GALNT8: variants seen among roughly 807,000 people sequenced by gnomAD.
GALNT8 encodes the protein polypeptide N-acetylgalactosaminyltransferase 8.
GALNT8 carries 66 observed loss-of-function variants against 62.7 expected under a neutral mutation model. The observed-to-expected ratio is 1.05, with a 90% CI of 0.86 to 1.29. The LOEUF is 1.29. Ranked by LOEUF, GALNT8 falls within the 50% of genes most tolerant of loss-of-function variation. GALNT8 has a pLI of 0.00. For synonymous variants in GALNT8, 288 were observed against 294.3 expected (o/e 0.98, Z 0.22); for missense variants, 771 against 791.8 (o/e 0.97, Z 0.32).
rs571121692 is a variant in GALNT8, at chr12:4,726,011, A to G, written c.212-521A>G. 6.6e-6 allele frequency among the ~76,000 whole-genome samples: 1 copy of G among 152,284 alleles called. No individual in the cohort carries two copies. The highest frequency in any genetic ancestry group is 6.5e-5 in the Admixed American group (1 of 15,300). ...GTTAGATTTGCCTTTGTTAGGCACT[A>G]ATGGTGTAGTAAGTGTTTCTTAAGT... On this transcript the variant is annotated intron_variant, in intron 1 of 10. Transcript: ENST00000252318. The surrounding 1 kb of genome is among the most constrained non-coding windows in gnomAD (Gnocchi z 4.1).
intron 2 of GALNT8, among the ~76,000 whole-genome samples, chr12:4,728,756 G>T (rs1399997485): frequency 6.6e-6 from 1 of 152,130 alleles, no homozygotes; most frequent in South Asian, 2.1e-4. Context: ...CTTAACAATT[G>T]TAATTTTGTA....
chr12:4,753,581 A>G (rs558879600), intron 6 of GALNT8, among the ~76,000 whole-genome samples: 1 of 152,166 alleles, frequency 6.6e-6, no homozygotes, highest in South Asian at 2.1e-4. Flanking sequence ...TTCCTTCTCT[A>G]ATTATCTTGA....
chr12:4,753,715 G>A (rs941915234), intron 6 of GALNT8, among the ~76,000 whole-genome samples: 5 of 152,144 alleles, frequency 3.3e-5, no homozygotes, highest in Non-Finnish European at 7.3e-5. Flanking sequence ...GAATTATCTT[G>A]ATACTTGTAA....
chr12:4,759,422 T>G (rs538878780), intron 6 of GALNT8, among the ~76,000 whole-genome samples: 17 of 150,896 alleles, frequency 1.1e-4, no homozygotes, highest in African/African-American at 4.1e-4. Flanking sequence ...ATGAATAAGT[T>G]GAGGGTCAAC....
rs116073324 is a variant in GALNT8 at position 4,756,072 on chromosome 12, T to A, written c.1174-4886T>A. Among the ~76,000 whole-genome samples the A allele has an allele frequency of 6.4e-3, 979 of 152,254 alleles. 12 individuals carry two copies. Among genetic ancestry groups the A allele is most frequent in the African/African-American group, 0.023 (935 of 41,546 alleles). ...GTAAGTCACATGGCCAACCCTGAAATGGTGTGAAGAATTAGGGCCAATAAA... is the reference window on the plus strand; with the variant it reads ...GTAAGTCACATGGCCAACCCTGAAAAGGTGTGAAGAATTAGGGCCAATAAA... On this transcript the variant is annotated intron_variant, in intron 6 of 10. Transcript: ENST00000252318.
rs1325581430 is a variant in GALNT8, at chr12:4,726,742, A to G, written c.422A>G (p.Gln141Arg). Residue 141 changes from glutamine (Q) to arginine (R), a missense_variant, in exon 2 of 11, where the codon CAG becomes CGG. Transcript: ENST00000252318. This position sits in a 1 kb window ranked among gnomAD's most constrained non-coding sequence, Gnocchi z 4.1. ...TCTGAGGCCCAGCAGAAGGCGGCCCAGGACCTCTTCCGGAAGTTTGGTTAC... is the reference window on the plus strand; with the variant it reads ...TCTGAGGCCCAGCAGAAGGCGGCCCGGGACCTCTTCCGGAAGTTTGGTTAC... ...DLSEAQQKAA[Q>R]DLFRKFGYNA... 2.5e-6 allele frequency: 4 copies of G among 1,614,088 alleles called. No homozygotes were observed. Among genetic ancestry groups the G allele is most frequent in the South Asian group, 1.1e-5 (1 of 91,068 alleles).
At chr12:4,721,106 A>G (rs1319608187) in intron 1 of GALNT8, among the ~76,000 whole-genome samples, 1 of 151,810 alleles carries the variant, frequency 6.6e-6, no homozygotes, top group African/African-American at 2.4e-5. Context: ...AGTATGGGGG[A>G]GGTGAGCATG....
chr12:4,761,223 A>G, intron 7 of GALNT8, 80 bp downstream of exon 7: 1 of 1,221,104 alleles, frequency 8.2e-7, no homozygotes, highest in South Asian at 1.4e-5. Flanking sequence ...GGGATAAAGC[A>G]AAAGTGCCAT....
At chr12:4,741,581 A>AG (rs1279901672) in intron 3 of GALNT8, among the ~76,000 whole-genome samples, 5 of 151,068 alleles carry the variant, frequency 3.3e-5, no homozygotes, top group Non-Finnish European at 7.4e-5. Flanking sequence ...TTTCTGTGGA[A>AG]AAAAAAAAAG....
chr12:4,728,829 G>A (rs376830925), intron 2 of GALNT8, among the ~76,000 whole-genome samples: 2 of 152,026 alleles, frequency 1.3e-5, no homozygotes, highest in African/African-American at 2.4e-5. Context: ...AGACTGTTTT[G>A]TCTATTCTGG....
chr12:4,745,567 C>G lies in GALNT8; in HGVS notation c.999C>G (p.Cys333Trp). 6.2e-7 allele frequency: 1 copy of G among 1,613,876 alleles called. No homozygotes were observed. The highest frequency in any genetic ancestry group is 1.1e-5 in the South Asian group (1 of 91,068). ...ATGGGTTTAACTGGGAACTCTGGTG[C>G]CGCTACGATGCACTGCCACAAGCCT... ...AVDGFNWELWCRYDALPQAWI... is the reference protein window; with the variant it reads ...AVDGFNWELWWRYDALPQAWI... The change falls in exon 5 of 11, where the codon TGC becomes TGG. Residue 333 changes from cysteine (C) to tryptophan (W), a missense_variant. Transcript: ENST00000252318.
chr12:4,756,376 A>G (rs1291862009), intron 6 of GALNT8, among the ~76,000 whole-genome samples: 1 of 152,250 alleles, frequency 6.6e-6, no homozygotes, highest in Admixed American at 6.5e-5. Flanking sequence ...TGTGCAACAT[A>G]CAAGCCCTCT....
At position 4,722,082 on chromosome 12, in the gene GALNT8, A is replaced by G. The variant is rs1946173343; in HGVS notation, c.211+1194A>G. On this transcript the variant is annotated intron_variant, in intron 1 of 10. Transcript: ENST00000252318. The stretch of plus-strand genomic sequence containing the variant: ...CACGGGGTTGGGGGTACGGTTACAG[A>G]TTAACAGCATCTCAAGGCAGAAGAA... 2.0e-5 allele frequency among the ~76,000 whole-genome samples: 3 copies of G among 152,192 alleles called. No homozygotes were observed. The South Asian group carries it at 6.2e-4, about 32-fold the overall frequency.
chr12:4,748,535 G>A (rs1479951856), intron 6 of GALNT8, among the ~76,000 whole-genome samples: 1 of 152,072 alleles, frequency 6.6e-6, no homozygotes, highest in Non-Finnish European at 1.5e-5. Flanking sequence ...CACTCTAGGT[G>A]TGTGGGTTTG....
At chr12:4,751,561 A>G (rs1221877848) in intron 6 of GALNT8, among the ~76,000 whole-genome samples, 2 of 152,088 alleles carry the variant, frequency 1.3e-5, no homozygotes, top group Non-Finnish European at 2.9e-5. Flanking sequence ...GTGTCTGTAT[A>G]GTTTCCCAAA....
intron 3 of GALNT8, among the ~76,000 whole-genome samples, chr12:4,743,105 G>C (rs906728383): frequency 5.9e-5 from 9 of 152,186 alleles, no homozygotes; most frequent in Non-Finnish European, 1.2e-4. Context: ...TCTGCCTCAG[G>C]CTCCCAAAGT....
chr12:4,753,442 A>G (rs983853235), intron 6 of GALNT8, among the ~76,000 whole-genome samples: 3 of 152,170 alleles, frequency 2.0e-5, no homozygotes, highest in African/African-American at 7.2e-5. Context: ...CTGTTTGACC[A>G]ATTCTGCTAT....
intron 7 of GALNT8, among the ~76,000 whole-genome samples, chr12:4,762,146 A>G (rs1946376178): frequency 6.6e-6 from 1 of 152,198 alleles, no homozygotes; most frequent in South Asian, 2.1e-4. Flanking sequence ...AGAGATGGGT[A>G]AGAGTTGATT....
chr12:4,765,304 C>A, intron 9 of GALNT8, 75 bp from the exon 10 acceptor site: 1 of 1,358,308 alleles, frequency 7.4e-7, no homozygotes, highest in Non-Finnish European at 9.8e-7. Flanking sequence ...TGCTGTCCCT[C>A]GGGCTAGGGT....
Sources: allele counts gnomAD v4.1 joint callset (sites outside exome capture counted in the v4.1 genomes callset), GRCh38; gene constraint gnomAD v4.1.1; non-coding constraint Gnocchi (gnomAD v3.1); transcripts MANE v1.5; gene names NCBI Gene and HGNC (gene_info 2026-07-23, HGNC 2026-07-21).